Variants in ZDHHC2 observed in about 807,000 individuals in gnomAD.
The protein encoded by ZDHHC2 is zDHHC palmitoyltransferase 2.
In ZDHHC2, 51 loss-of-function variants were observed where a neutral mutation model predicts 55.6. That is an observed-to-expected ratio of 0.92 (90% CI 0.73 to 1.16). The LOEUF (loss-of-function observed/expected upper bound fraction) is 1.16. ZDHHC2 is among the 50% of genes most tolerant of loss of function. The probability of loss-of-function intolerance (pLI) is 0.00; values close to 1 mark genes in which losing one functional copy is unlikely to be tolerated. For synonymous variants in ZDHHC2, 199 were observed against 152.9 expected, an observed-to-expected ratio of 1.30 and a Z score of -2.22; for missense variants, 491 against 442.4, an observed-to-expected ratio of 1.11 and a Z score of -0.99.
At chr8:17,219,781 AAAAACAAAAC>A (rs577708100) in intron 12 of ZDHHC2, among the ~76,000 whole-genome samples, 1 of 152,138 alleles carries the variant, frequency 6.6e-6, no homozygotes, top group African/African-American at 2.4e-5. Context: ...CCCTGTCTCA[AAAAACAAAAC>A]AAAACAAAAC....
At position 17,183,453 on chromosome 8, in the gene ZDHHC2, G is replaced by C. The variant is rs566996917; in HGVS notation, c.131-1336G>C. ...AGAAAGCAAACTCTGACTAGCCTCT[G>C]ACTTACAAGCGGACTTGGAGAACAG... On this transcript the variant is annotated intron_variant, in intron 1 of 12. Coordinates refer to ENST00000262096, the MANE Select transcript of ZDHHC2 (RefSeq NM_016353.5). Among the ~76,000 whole-genome samples, 12 of 152,350 alleles carry C rather than the reference G, an allele frequency of 7.9e-5. No individual in the cohort carries two copies. The South Asian group carries it at 1.4e-3, about 18-fold the overall frequency.
Position 17,193,518 on chromosome 8 carries a change from C to G in ZDHHC2, c.253-1986C>G, listed in dbSNP as rs369621686. Among the ~76,000 whole-genome samples, 62 of 152,324 alleles carry G rather than the reference C, an allele frequency of 4.1e-4. No individual in the cohort carries two copies. The East Asian group carries it at 0.011, about 28-fold the overall frequency. ...GGATAGCATTGGGTCTCGCCCAAGG[C>G]CCATTATGTCCACTGCCTGCCTCCC... On this transcript the variant is annotated intron_variant, in intron 3 of 12. Transcript: ENST00000262096.
chr8:17,215,358 G>A lies in ZDHHC2; in HGVS notation c.1063+9G>A, dbSNP rs1403670579. On this transcript the variant is annotated intron_variant, in intron 11 of 12. Coordinates refer to ENST00000262096, the MANE Select transcript of ZDHHC2 (RefSeq NM_016353.5). ...AGGAAAATGCAAAGCTGGTAAGGGTGTGCTTGTTTGGCTGTTTTTTGACAT... is the reference window on the plus strand; with the variant it reads ...AGGAAAATGCAAAGCTGGTAAGGGTATGCTTGTTTGGCTGTTTTTTGACAT... 6.4e-7 allele frequency: 1 copy of A among 1,562,082 alleles called. No homozygotes were observed. The highest frequency in any genetic ancestry group is 8.7e-7 in the Non-Finnish European group (1 of 1,151,770).
chr8:17,207,296 G>A (rs970390017), intron 7 of ZDHHC2, among the ~76,000 whole-genome samples: 2 of 152,132 alleles, frequency 1.3e-5, no homozygotes, highest in Non-Finnish European at 2.9e-5. Context: ...GGTCTCTTTG[G>A]ATTTATAAAC....
chr8:17,216,410 A>G (rs9644663), intron 11 of ZDHHC2, among the ~76,000 whole-genome samples: 26,029 of 152,128 alleles, frequency 0.17, 2,561 homozygotes, highest in African/African-American at 0.27. Flanking sequence ...AGAGGGTCCC[A>G]TTATTTGACT....
chr8:17,157,082 C>A (rs868329527), intron 1 of ZDHHC2, among the ~76,000 whole-genome samples: 4 of 152,084 alleles, frequency 2.6e-5, no homozygotes, highest in South Asian at 4.1e-4. Context: ...GCCTCCGCCC[C>A]GCACTCGCCG....
In ZDHHC2 at chr8:17,157,255, C is replaced by A. The variant is rs114264432; in HGVS notation, c.130+402C>A. On this transcript the variant is annotated intron_variant, in intron 1 of 12. Coordinates refer to ENST00000262096, the MANE Select transcript of ZDHHC2 (RefSeq NM_016353.5). ...GCCCGGCCCCGAGCTGCGCCAGACC[C>A]GCGCGGGGGTGCTGGCCTTGGCGGC... 8.4e-3 allele frequency among the ~76,000 whole-genome samples: 1,283 copies of A among 152,316 alleles called. 17 individuals carry two copies. The highest frequency in any genetic ancestry group is 0.03 in the African/African-American group (1,233 of 41,586).
chr8:17,156,906 T>C, intron 1 of ZDHHC2, 53 bp downstream of exon 1: 1 of 1,439,160 alleles, frequency 6.9e-7, no homozygotes. Context: ...CCACCCCGAC[T>C]GTCCCGGGAC....
chr8:17,183,493 G>A (rs536909343), intron 1 of ZDHHC2, among the ~76,000 whole-genome samples: 37 of 152,302 alleles, frequency 2.4e-4, no homozygotes, highest in African/African-American at 8.7e-4. Context: ...TTTGTAAATC[G>A]AAGGTCATCC....
At chr8:17,211,318 T>C (rs1807376344) in intron 10 of ZDHHC2, among the ~76,000 whole-genome samples, 1 of 152,180 alleles carries the variant, frequency 6.6e-6, no homozygotes, top group African/African-American at 2.4e-5. Context: ...GAGCTTTTCT[T>C]AGTTGCTGCA....
At chr8:17,158,649 C>G (rs1016527329) in intron 1 of ZDHHC2, among the ~76,000 whole-genome samples, 40 of 152,218 alleles carry the variant, frequency 2.6e-4, no homozygotes, top group African/African-American at 9.6e-4. Flanking sequence ...AAGTTTAAGA[C>G]AAATCTAGAG....
intron 1 of ZDHHC2, among the ~76,000 whole-genome samples, chr8:17,183,158 C>T (rs1339426343): frequency 2.6e-5 from 4 of 152,166 alleles, no homozygotes; most frequent in Non-Finnish European, 4.4e-5. Context: ...ATGCAAGCAC[C>T]AGCACCTCTG....
chr8:17,216,035 G>T (rs1409758466), intron 11 of ZDHHC2, among the ~76,000 whole-genome samples: 8 of 152,076 alleles, frequency 5.3e-5, no homozygotes. Flanking sequence ...TATTGATAAG[G>T]AGTAGACAAA....
intron 10 of ZDHHC2, among the ~76,000 whole-genome samples, chr8:17,212,873 T>C (rs1563170096): frequency 6.6e-6 from 1 of 152,068 alleles, no homozygotes; most frequent in Non-Finnish European, 1.5e-5. Flanking sequence ...GTCTCTGTTA[T>C]AATAAAATGT....
chr8:17,159,778 T>G (rs144789881), intron 1 of ZDHHC2, among the ~76,000 whole-genome samples: 3 of 152,298 alleles, frequency 2.0e-5, no homozygotes, highest in East Asian at 1.9e-4. Context: ...CAGTTATACT[T>G]CTAATCATTT....
chr8:17,177,156 G>A (rs182110352), intron 1 of ZDHHC2, among the ~76,000 whole-genome samples: 87 of 152,314 alleles, frequency 5.7e-4, no homozygotes, highest in African/African-American at 2.0e-3. Flanking sequence ...TTTTCCAAAA[G>A]AAGAGCATAA....
At chr8:17,169,782 A>T (rs1345123966) in intron 1 of ZDHHC2, among the ~76,000 whole-genome samples, 2 of 152,218 alleles carry the variant, frequency 1.3e-5, no homozygotes, top group Non-Finnish European at 2.9e-5. Flanking sequence ...GAAACCTGAG[A>T]TGCAGTTTAC....
chr8:17,211,406 C>T lies in ZDHHC2; in HGVS notation c.950+926C>T, dbSNP rs148336128. On this transcript the variant is annotated intron_variant, in intron 10 of 12. Transcript: ENST00000262096. ...GATCACAGGACTTTTTCCTAGGGAG[C>T]CTGGAGTGACCCCATAAACCTCAAG... 3.6e-4 allele frequency among the ~76,000 whole-genome samples: 55 copies of T among 152,202 alleles called. 1 individual carries two copies. Among genetic ancestry groups the T allele is most frequent in the African/African-American group, 1.3e-3 (54 of 41,524 alleles).
At chr8:17,200,169 CT>C (rs1196000959) in intron 6 of ZDHHC2, among the ~76,000 whole-genome samples, 1 of 152,320 alleles carries the variant, frequency 6.6e-6, no homozygotes, top group East Asian at 1.9e-4. Flanking sequence ...TGGTGAACAT[CT>C]CCCGTACCTG....
Sources: gnomAD v4.1 joint callset for allele counts (sites outside exome capture counted in the v4.1 genomes callset) on GRCh38, gnomAD v4.1.1 for gene constraint, MANE v1.5 for transcripts, NCBI Gene and HGNC (gene_info 2026-07-23, HGNC 2026-07-21) for gene names.